The following SHANK2 variants were observed in gnomAD, a reference collection of about 807,000 sequenced individuals.
SHANK2 encodes the protein SH3 and multiple ankyrin repeat domains 2.
A neutral mutation model predicts 133.7 loss-of-function variants in SHANK2; 43 were observed. The ratio of observed to expected loss-of-function variants is 0.32; its 90% confidence interval spans 0.25 to 0.41. SHANK2 has a LOEUF of 0.41. Ranked by LOEUF, SHANK2 falls within the 10% of genes least tolerant of loss-of-function variation. SHANK2 has a pLI of 1.00. For missense variants in SHANK2, 1,994 were observed against 2,235.8 expected (o/e 0.89, Z 2.18); for synonymous variants, 1,017 against 952.8 (o/e 1.07, Z -1.24).
Position 70,473,580 on chromosome 11 carries a change from T to G in SHANK2, c.4980-141A>C. On this transcript the variant is annotated intron_variant, in intron 25 of 25. Transcript: ENST00000601538. This position sits in a 1 kb window ranked among gnomAD's most constrained non-coding sequence, Gnocchi z 5.9. ...GGCAGATCCACTGGCAGTGAACGAA[T>G]GATTTGCCATGCCAGGGTGGGGGAG... 1.2e-6 allele frequency: 1 copy of G among 806,444 alleles called. No individual in the cohort carries two copies. Among genetic ancestry groups the G allele is most frequent in the Non-Finnish European group, 2.1e-6 (1 of 486,116 alleles). The allele number at this position is 806,444 out of a possible 1,614,324, so 50.0% of individuals were successfully genotyped here.
At position 70,783,533 on chromosome 11, in the gene SHANK2, C is replaced by T. The variant is rs372729458; in HGVS notation, c.1777+14910G>A. Among the ~76,000 whole-genome samples, 4 of 152,288 alleles carry T rather than the reference C, an allele frequency of 2.6e-5. No individual in the cohort carries two copies. The South Asian group carries it at 8.3e-4, about 32-fold the overall frequency. ...ACAGCACAGCACACGCCAATCCTGT[C>T]TCCATATGGCTCACGAGTGGGCAGA... On this transcript the variant is annotated intron_variant, in intron 14 of 25. Transcript: ENST00000601538.
At chr11:70,644,578 G>T (rs957475909) in intron 17 of SHANK2, among the ~76,000 whole-genome samples, 2 of 152,194 alleles carry the variant, frequency 1.3e-5, no homozygotes, top group Non-Finnish European at 2.9e-5. Context: ...CAGCCCTCCC[G>T]CATGGCAGCT....
At chr11:70,929,311 C>G (rs527646316) in intron 10 of SHANK2, among the ~76,000 whole-genome samples, 1 of 152,206 alleles carries the variant, frequency 6.6e-6, no homozygotes, top group Non-Finnish European at 1.5e-5. Context: ...TAAAATGGGA[C>G]GTGCCTCAAA....
intron 14 of SHANK2, among the ~76,000 whole-genome samples, chr11:70,709,946 G>A (rs892619240): frequency 6.6e-6 from 1 of 152,138 alleles, no homozygotes; most frequent in South Asian, 2.1e-4. Flanking sequence ...GACGGAGGGG[G>A]ACAGGTGGTG....
chr11:70,780,181 T>C (rs145857028), intron 14 of SHANK2, among the ~76,000 whole-genome samples: 19 of 152,290 alleles, frequency 1.2e-4, no homozygotes, highest in Non-Finnish European at 2.4e-4. Context: ...GGCTTCTCCA[T>C]TGTGTACACT....
intron 17 of SHANK2, among the ~76,000 whole-genome samples, chr11:70,595,307 G>A (rs1242002054): frequency 6.6e-6 from 1 of 152,186 alleles, no homozygotes; most frequent in Non-Finnish European, 1.5e-5. Context: ...CACCCTCCAA[G>A]CGCCCCCTCG....
chr11:71,195,103 G>A (rs1159485265), intron 2 of SHANK2, among the ~76,000 whole-genome samples: 1 of 152,214 alleles, frequency 6.6e-6, no homozygotes, highest in South Asian at 2.1e-4. Flanking sequence ...ATTAAAAAGT[G>A]CCTAACTGGC....
chr11:71,138,081 C>T (rs1952482029), intron 3 of SHANK2, among the ~76,000 whole-genome samples: 1 of 146,848 alleles, frequency 6.8e-6, no homozygotes, highest in South Asian at 2.3e-4. Flanking sequence ...CGCACACATA[C>T]AGCAAAGCAC....
intron 14 of SHANK2, among the ~76,000 whole-genome samples, chr11:70,766,699 G>C (rs1312520927): frequency 1.2e-4 from 19 of 152,172 alleles, no homozygotes; most frequent in Non-Finnish European, 7.3e-5. Context: ...CGCTCTAACA[G>C]GTAGGCAGGG....
At chr11:71,129,117 G>A (rs1192334385) in intron 3 of SHANK2, among the ~76,000 whole-genome samples, 1 of 152,188 alleles carries the variant, frequency 6.6e-6, no homozygotes, top group Non-Finnish European at 1.5e-5. Context: ...CCAAACCAAA[G>A]CTAGTAAACG....
intron 17 of SHANK2, among the ~76,000 whole-genome samples, chr11:70,643,918 G>T (rs1234293654): frequency 4.0e-5 from 6 of 149,842 alleles, no homozygotes; most frequent in Non-Finnish European, 9.0e-5. Context: ...TGCAGGTGGA[G>T]GGGGGGGAGG....
At chr11:71,078,663 A>G (rs1951252402) in intron 8 of SHANK2, among the ~76,000 whole-genome samples, 1 of 152,216 alleles carries the variant, frequency 6.6e-6, no homozygotes. Flanking sequence ...CACGCCCATC[A>G]GTGTGCCACA....
chr11:70,868,643 C>G (rs1016407671), intron 11 of SHANK2, among the ~76,000 whole-genome samples: 2 of 152,238 alleles, frequency 1.3e-5, no homozygotes, highest in African/African-American at 4.8e-5. Context: ...ACATCTTACA[C>G]AGTCAGCCTC....
rs56970868 is a variant in SHANK2, at chr11:70,906,596, G to T, written c.1108-10029C>A. ...TCCTGACACCCCCTCGCCATAACTG[G>T]AAAATGGCTTCTCGGAAAGGCACGA... On this transcript the variant is annotated intron_variant, in intron 10 of 25. Coordinates refer to ENST00000601538, the MANE Select transcript of SHANK2 (RefSeq NM_012309.5). Among the ~76,000 whole-genome samples the T allele has an allele frequency of 6.6e-3, 998 of 152,294 alleles. 10 individuals are homozygous for T. The highest frequency in any genetic ancestry group is 0.023 in the African/African-American group (950 of 41,554).
intron 11 of SHANK2, among the ~76,000 whole-genome samples, chr11:70,849,882 GT>G (rs1490986873): frequency 6.6e-6 from 1 of 152,096 alleles, no homozygotes; most frequent in African/African-American, 2.4e-5. Flanking sequence ...ATTTTTAAGT[GT>G]ACAGGTCAGT....
chr11:70,670,539 T>G (rs1944779362), intron 15 of SHANK2, among the ~76,000 whole-genome samples: 1 of 152,038 alleles, frequency 6.6e-6, no homozygotes, highest in African/African-American at 2.4e-5. Context: ...CGGGGCAGGC[T>G]GCGGGAGAAC....
At chr11:71,104,414 C>T (rs998970109) in intron 6 of SHANK2, among the ~76,000 whole-genome samples, 3 of 152,174 alleles carry the variant, frequency 2.0e-5, no homozygotes, top group Admixed American at 6.5e-5. Flanking sequence ...TGATGTCATC[C>T]GTGTGGCCAG....
rs1230419202 is a variant in SHANK2 at position 71,086,128 on chromosome 11, A to T, written c.912+6294T>A. On this transcript the variant is annotated intron_variant, in intron 8 of 25. Coordinates refer to ENST00000601538, the MANE Select transcript of SHANK2 (RefSeq NM_012309.5). Reference sequence around the variant, plus strand: ...ATATATTATGTTATATAATATATTAAATTATATAATATATTATGTTATATA... The same window carrying T: ...ATATATTATGTTATATAATATATTATATTATATAATATATTATGTTATATA... Among the ~76,000 whole-genome samples the T allele has an allele frequency of 3.6e-3, 23 of 6,330 alleles. 2 individuals are homozygous for T. Among genetic ancestry groups the T allele is most frequent in the African/African-American group, 4.3e-3 (17 of 3,966 alleles). 4.2% of individuals were successfully genotyped at this position (6,330 alleles called of 152,430 possible). A position where few individuals can be genotyped will look rare whatever the true frequency, so the allele number is the denominator to read the frequency against.
rs375817107 is a variant in SHANK2, at chr11:71,190,767, G to A, written c.-13+33930C>T. ...AGGCAGAGCCGAGTCCCAATCCCAC[G>A]GCTCCACCCTGGGCTGCGTGGCCTG... On this transcript the variant is annotated intron_variant, in intron 2 of 25. Transcript: ENST00000601538. Among the ~76,000 whole-genome samples the A allele has an allele frequency of 5.9e-5, 9 of 152,306 alleles. No homozygotes were observed. The East Asian group carries it at 9.7e-4, about 16-fold the overall frequency.
Sources: allele counts gnomAD v4.1 joint callset (sites outside exome capture counted in the v4.1 genomes callset), GRCh38; gene constraint gnomAD v4.1.1; non-coding constraint Gnocchi (gnomAD v3.1); transcripts MANE v1.5; gene names NCBI Gene and HGNC (gene_info 2026-07-23, HGNC 2026-07-21).